Variants in MYH16 observed in about 807,000 individuals in gnomAD.
MYH16 encodes myosin heavy chain 16.
At chr7:99,267,823 C>A (rs1792003286) in intron 18 of MYH16, among the ~76,000 whole-genome samples, 1 of 152,180 alleles carries the variant, frequency 6.6e-6, no homozygotes, top group African/African-American at 2.4e-5. Context: ...CTGCCCCCCA[C>A]AACAAACTGC....
chr7:99,284,854 G>A (rs774590387), exon 26 of MYH16: 8 of 456,506 alleles, frequency 1.8e-5, no homozygotes, highest in South Asian at 1.2e-4. Context: ...GGAGGGATTT[G>A]GAAATAAACT....
exon 14 of MYH16, chr7:99,263,446 A>T (rs1791958034): frequency 6.5e-6 from 1 of 152,828 alleles, no homozygotes; most frequent in Non-Finnish European, 1.5e-5. Flanking sequence ...CTCTTCAAAG[A>T]AGAGGAGGCT....
exon 31 of MYH16, chr7:99,291,325 G>T (rs1316201315): frequency 1.8e-5 from 8 of 455,594 alleles, no homozygotes; most frequent in South Asian, 1.1e-4. Flanking sequence ...TCACCCAGCT[G>T]AAAATAGTGA....
At chr7:99,273,682 C>A (rs148947058) in intron 20 of MYH16, among the ~76,000 whole-genome samples, 2,459 of 151,828 alleles carry the variant, frequency 0.016, 48 homozygotes, top group African/African-American at 0.056. Context: ...TTGCTTGAGG[C>A]CAGGAGTTTG....
At chr7:99,302,944 C>T (rs1404310145) in intron 38 of MYH16, 121 bp from the exon 20 acceptor site, 2 of 152,306 alleles carry the variant, frequency 1.3e-5, no homozygotes, top group African/African-American at 4.8e-5. Flanking sequence ...CGCAGAGGGC[C>T]CAGGGCCATT....
At chr7:99,288,304 T>C (rs1265370999) in intron 29 of MYH16, among the ~76,000 whole-genome samples, 167 bp downstream of exon 10, 1 of 152,004 alleles carries the variant, frequency 6.6e-6, no homozygotes, top group East Asian at 1.9e-4. Context: ...CCAGGGATGG[T>C]AGCATGTGCC....
chr7:99,270,697 C>G (rs1198704218), intron 18 of MYH16, among the ~76,000 whole-genome samples: 1 of 151,590 alleles, frequency 6.6e-6, no homozygotes, highest in African/African-American at 2.4e-5. Context: ...GCCTGGATAA[C>G]ATAGTGAGAC....
chr7:99,248,346 C>T (rs538220580), intron 3 of MYH16, among the ~76,000 whole-genome samples: 1 of 152,190 alleles, frequency 6.6e-6, no homozygotes, highest in Non-Finnish European at 1.5e-5. Context: ...AGGTGATCCA[C>T]CCATCTCGGC....
intron 23 of MYH16, among the ~76,000 whole-genome samples, chr7:99,283,019 C>T (rs6960805): frequency 0.11 from 17,097 of 152,118 alleles, 1,444 homozygotes; most frequent in African/African-American, 0.24. Context: ...ATGGGATGTC[C>T]GGCATTGCTG....
intron 1 of MYH16, among the ~76,000 whole-genome samples, chr7:99,241,834 T>C (rs1336627189): frequency 6.6e-6 from 1 of 150,740 alleles, no homozygotes; most frequent in African/African-American, 2.4e-5. Flanking sequence ...TCCCAGATGC[T>C]GGAGCTTCTT....
chr7:99,299,441 A>C (rs188078436), intron 36 of MYH16, 25 bp from the exon 18 acceptor site: 2 of 152,734 alleles, frequency 1.3e-5, no homozygotes, highest in Admixed American at 1.3e-4. Flanking sequence ...CAGTATGCCA[A>C]GGTCTTCTCT....
chr7:99,260,272 A>G (rs1462290221), exon 12 of MYH16: 1 of 1,586,064 alleles, frequency 6.3e-7, no homozygotes, highest in African/African-American at 1.3e-5. Context: ...GAGGGAAGGC[A>G]TCGAGTGGGT....
intron 12 of MYH16, chr7:99,260,746 A>T (rs765571445): frequency 2.3e-4 from 36 of 157,256 alleles, no homozygotes; most frequent in Non-Finnish European, 4.6e-4. Flanking sequence ...CCACATCCAC[A>T]TGGAAGGTTT....
intron 23 of MYH16, among the ~76,000 whole-genome samples, chr7:99,282,128 T>A (rs1180242608): frequency 6.6e-6 from 1 of 152,212 alleles, no homozygotes; most frequent in East Asian, 1.9e-4. Context: ...GTTCAAGTGA[T>A]TCTCCTGCCT....
chr7:99,295,556 C>T (rs1267525356), intron 33 of MYH16, among the ~76,000 whole-genome samples: 1 of 152,146 alleles, frequency 6.6e-6, no homozygotes, highest in Non-Finnish European at 1.5e-5. Flanking sequence ...CCTCTCTGGT[C>T]TTGGTCTAGA....
Position 99,279,750 on chromosome 7 carries a change from C to T in MYH16, n.2887+13C>T, listed in dbSNP as rs963749038. ...GAAGGAGAAGCAGGTGAGGAGAGGC[C>T]GGGGCCCTGCCACGCTTTTCTCAGG... On this transcript the variant is annotated intron_variant and non_coding_transcript_variant, in intron 22 of 41. Transcript: ENST00000439784. 1.3e-5 allele frequency: 6 copies of T among 452,458 alleles called. No homozygotes were observed. The highest frequency in any genetic ancestry group is 2.0e-5 in the African/African-American group (1 of 49,824). 28.0% of individuals were successfully genotyped at this position (452,458 alleles called of 1,614,324 possible).
At chr7:99,292,316 G>T in exon 32 of MYH16, 1 of 456,294 alleles carries the variant, frequency 2.2e-6, no homozygotes. Context: ...CCACAGTCTC[G>T]CAGCACCGCC....
intron 25 of MYH16, among the ~76,000 whole-genome samples, chr7:99,284,588 CAA>C (rs555116447): frequency 1.3e-5 from 2 of 151,136 alleles, no homozygotes; most frequent in South Asian, 2.1e-4. Context: ...CACCCTGTCT[CAA>C]AAAAAAGTGT....
chr7:99,245,928 G>A (rs774350666), intron 2 of MYH16, among the ~76,000 whole-genome samples: 2 of 152,222 alleles, frequency 1.3e-5, no homozygotes, highest in Non-Finnish European at 2.9e-5. Flanking sequence ...AAGGCTGGGC[G>A]CAGTGGCTCA....
Sources: allele counts gnomAD v4.1 joint callset (sites outside exome capture counted in the v4.1 genomes callset), GRCh38; gene constraint gnomAD v4.1.1; transcripts MANE v1.5; gene names NCBI Gene and HGNC (gene_info 2026-07-23, HGNC 2026-07-21).